GLUD1: variants seen among roughly 807,000 people sequenced by gnomAD.
GLUD1 encodes glutamate dehydrogenase 1, mitochondrial.
GLUD1 carries 22 observed loss-of-function variants against 56.0 expected under a neutral mutation model. That is an observed-to-expected ratio of 0.39 (90% CI 0.28 to 0.56). The LOEUF (loss-of-function observed/expected upper bound fraction) is 0.56, where lower values mean the gene tolerates loss of function less well. GLUD1 is among the 20% of genes least tolerant of loss of function. GLUD1 has a pLI of 0.58. For missense variants in GLUD1, 451 were observed against 732.0 expected (o/e 0.62, Z 4.43); for synonymous variants, 223 against 269.9 (o/e 0.83, Z 1.70).
chr10:87,060,264 G>C (rs769624528), intron 8 of GLUD1, 23 bp from the exon 9 acceptor site: 1 of 1,512,226 alleles, frequency 6.6e-7, no homozygotes, highest in South Asian at 1.1e-5. Context: ...CAGGAACATA[G>C]AGAAATGCGA....
chr10:87,057,970 G>A (rs1338603504), intron 10 of GLUD1, among the ~76,000 whole-genome samples, 188 bp from the exon 11 acceptor site: 2 of 152,146 alleles, frequency 1.3e-5, no homozygotes, highest in Admixed American at 1.3e-4. Flanking sequence ...CCGGGTTCAC[G>A]CCATTCTCCT....
intron 1 of GLUD1, among the ~76,000 whole-genome samples, chr10:87,091,797 C>T (rs1374589867): frequency 6.6e-6 from 1 of 151,426 alleles, no homozygotes; most frequent in African/African-American, 2.4e-5. Flanking sequence ...TAAGGTTGTT[C>T]TTGAGGGAAA....
At chr10:87,092,967 G>A (rs894902946) in intron 1 of GLUD1, among the ~76,000 whole-genome samples, 1 of 152,210 alleles carries the variant, frequency 6.6e-6, no homozygotes, top group Non-Finnish European at 1.5e-5. Context: ...ATACAATTTT[G>A]AAGCTAGAAA....
intron 12 of GLUD1, among the ~76,000 whole-genome samples, chr10:87,052,496 A>C (rs964835539): frequency 6.6e-6 from 1 of 151,440 alleles, no homozygotes; most frequent in Non-Finnish European, 1.5e-5. Flanking sequence ...CAAAAAACTA[A>C]ACAAAATGAA....
intron 1 of GLUD1, among the ~76,000 whole-genome samples, chr10:87,080,018 A>T (rs1219844586): frequency 6.7e-6 from 1 of 150,318 alleles, no homozygotes. Flanking sequence ...CTGCCATCTT[A>T]GCTCACTGCA....
intron 11 of GLUD1, among the ~76,000 whole-genome samples, chr10:87,055,028 A>ATCACTCAGG (rs1338798690): frequency 6.6e-6 from 1 of 152,196 alleles, no homozygotes; most frequent in Non-Finnish European, 1.5e-5. Context: ...GAAGAGGAGA[A>ATCACTCAGG]AATGTGATGT....
intron 1 of GLUD1, among the ~76,000 whole-genome samples, chr10:87,083,219 T>TTA (rs11453443): frequency 3.9e-3 from 527 of 134,624 alleles, no homozygotes; most frequent in Middle Eastern, 0.015. Context: ...TCAAAAAAAT[T>TTA]AAAAAAAAAA....
At chr10:87,069,514 C>CAAAAAAAAAAAAAAAAAAAA (rs374019349) in intron 4 of GLUD1, among the ~76,000 whole-genome samples, 1 of 62,620 alleles carries the variant, frequency 1.6e-5, no homozygotes, top group Non-Finnish European at 3.3e-5. Flanking sequence ...GACTCTGTTT[C>CAAAAAAAAAAAAAAAAAAAA]AAAAAAAAAA....
At chr10:87,071,262 G>A (rs1356917646) in intron 4 of GLUD1, among the ~76,000 whole-genome samples, 4 of 151,570 alleles carry the variant, frequency 2.6e-5, no homozygotes, top group Admixed American at 6.6e-5. Context: ...GCATGATCTC[G>A]GCTCACTGCA....
At chr10:87,063,932 G>A (rs1846002959) in intron 5 of GLUD1, among the ~76,000 whole-genome samples, 1 of 151,824 alleles carries the variant, frequency 6.6e-6, no homozygotes, top group African/African-American at 2.4e-5. Flanking sequence ...AGGCTGGAGT[G>A]CAGTGGCGCA....
intron 4 of GLUD1, among the ~76,000 whole-genome samples, chr10:87,069,577 G>GTTCT (rs71019461): frequency 0.69 from 103,600 of 150,528 alleles, 36,153 homozygotes; most frequent in African/African-American, 0.8. Context: ...AATAATTAAA[G>GTTCT]TTCTAAGGGC....
intron 1 of GLUD1, chr10:87,091,639 C>T: frequency 1.1e-6 from 1 of 907,244 alleles, no homozygotes; most frequent in Non-Finnish European, 1.3e-6. Context: ...AAAAGAAAAG[C>T]ACAAAAACAG....
intron 1 of GLUD1, chr10:87,092,732 CT>C: frequency 3.9e-6 from 1 of 254,426 alleles, no homozygotes. Context: ...ATCTGTACAC[CT>C]TTTAAAGGAC....
rs1223770359 is a variant in GLUD1, at chr10:87,062,641, T to G, written c.921+15A>C. ...TATCAGTTATTAAGGAAACTTTTTT[T>G]GTTTTTGTTTTTACCTGAACAACAA... On this transcript the variant is annotated intron_variant, in intron 6 of 12. Transcript: ENST00000277865. The G allele has an allele frequency of 2.5e-6, 4 of 1,604,276 alleles. No individual in the cohort carries two copies. The highest frequency in any genetic ancestry group is 3.4e-6 in the Non-Finnish European group (4 of 1,171,804).
intron 5 of GLUD1, among the ~76,000 whole-genome samples, chr10:87,064,084 G>A (rs1846008706): frequency 6.6e-6 from 1 of 152,072 alleles, no homozygotes; most frequent in Non-Finnish European, 1.5e-5. Flanking sequence ...ATTTAGTAGA[G>A]TAGAGTATTT....
At chr10:87,075,617 T>TGATGTCATTTTGAGGCCGG (rs1211844067) in intron 3 of GLUD1, among the ~76,000 whole-genome samples, 1 of 152,218 alleles carries the variant, frequency 6.6e-6, no homozygotes, top group Non-Finnish European at 1.5e-5. Flanking sequence ...ATAAATGCAC[T>TGATGTCATTTTGAGGCCGG]GTGTGCACAA....
chr10:87,088,154 A>G (rs1841428314), intron 1 of GLUD1, among the ~76,000 whole-genome samples: 1 of 150,666 alleles, frequency 6.6e-6, no homozygotes. Flanking sequence ...CTACTGCAAC[A>G]ACACATGATT....
intron 9 of GLUD1, 103 bp from the exon 10 acceptor site, chr10:87,059,376 T>C (rs2296062): frequency 0.29 from 318,350 of 1,089,442 alleles, 54,044 homozygotes; most frequent in East Asian, 0.69. Context: ...GACTGGACTT[T>C]AAATATCGCA....
intron 12 of GLUD1, 138 bp from the exon 13 acceptor site, chr10:87,052,008 T>C (rs766158988): frequency 1.1e-6 from 1 of 942,258 alleles, no homozygotes; most frequent in South Asian, 1.3e-5. Context: ...AAAGACAAAC[T>C]ACTCTAGCAG....
Sources: allele counts gnomAD v4.1 joint callset (sites outside exome capture counted in the v4.1 genomes callset), GRCh38; gene constraint gnomAD v4.1.1; transcripts MANE v1.5; gene names NCBI Gene and HGNC (gene_info 2026-07-23, HGNC 2026-07-21).